The following TMPRSS9 variants were observed in gnomAD, a reference collection of about 807,000 sequenced individuals.
The protein encoded by TMPRSS9 is transmembrane protease serine 9.
Under a neutral mutation model 111.4 loss-of-function variants are expected in TMPRSS9, and 113 were observed. The observed-to-expected ratio is 1.01, with a 90% CI of 0.87 to 1.19. The LOEUF (loss-of-function observed/expected upper bound fraction) is 1.19, where lower values mean the gene tolerates loss of function less well. TMPRSS9 is among the 50% of genes most tolerant of loss of function. TMPRSS9 has a pLI of 0.00. For synonymous variants in TMPRSS9, 805 were observed against 659.1 expected, an observed-to-expected ratio of 1.22 and a Z score of -3.39; for missense variants, 1,803 against 1,513.1, an observed-to-expected ratio of 1.19 and a Z score of -3.18.
intron 1 of TMPRSS9, among the ~76,000 whole-genome samples, chr19:2,395,908 T>C (rs1334216698): frequency 6.7e-6 from 1 of 149,784 alleles, no homozygotes; most frequent in African/African-American, 2.5e-5. Context: ...CTCGGGAGGC[T>C]GAGGCAGGAG....
At chr19:2,388,534 C>T (rs1371837540), upstream of TMPRSS9, among the ~76,000 whole-genome samples, 59 of 152,174 alleles carry the variant, frequency 3.9e-4, no homozygotes, top group Non-Finnish European at 2.9e-5. Context: ...CCAGAAGGGC[C>T]CAGGCCTGCC....
intron 17 of TMPRSS9, 46 bp downstream of exon 18, chr19:2,425,539 G>T: frequency 6.8e-7 from 1 of 1,480,262 alleles, no homozygotes; most frequent in East Asian, 2.5e-5. Flanking sequence ...CCCAGCCGCC[G>T]GGGAGGGCGG....
intron 1 of TMPRSS9, among the ~76,000 whole-genome samples, chr19:2,395,971 G>A (rs546613258): frequency 2.0e-5 from 3 of 152,334 alleles, no homozygotes; most frequent in East Asian, 1.9e-4. Flanking sequence ...TTGCGCCACC[G>A]CACTCCAGCC....
At chr19:2,418,293 TTCC>T (rs1971311680) in intron 13 of TMPRSS9, among the ~76,000 whole-genome samples, 155 bp downstream of exon 14, 6 of 84,670 alleles carry the variant, frequency 7.1e-5, no homozygotes, top group Admixed American at 1.0e-4. Context: ...CTTTCCTCCT[TTCC>T]TTCCCTCCCT....
exon 14 of TMPRSS9, chr19:2,421,907 G>A: frequency 6.2e-7 from 1 of 1,612,900 alleles, no homozygotes; most frequent in Non-Finnish European, 8.5e-7. Context: ...TGTTTTATCT[G>A]GCAGGGATCG....
intron 10 of TMPRSS9, 57 bp downstream of exon 11, chr19:2,414,075 G>T: frequency 6.9e-7 from 1 of 1,445,948 alleles, no homozygotes; most frequent in Non-Finnish European, 9.2e-7. Context: ...GATTTAGGGA[G>T]AACGGATATC....
At chr19:2,365,314 A>G (rs1970239668) in intron 1 of TMPRSS9, among the ~76,000 whole-genome samples, 1 of 152,068 alleles carries the variant, frequency 6.6e-6, no homozygotes, top group Non-Finnish European at 1.5e-5. Context: ...ATGAAAGCCT[A>G]ACAAAAAGAC....
intron 13 of TMPRSS9, among the ~76,000 whole-genome samples, 162 bp from the exon 15 acceptor site, chr19:2,421,692 C>T (rs1039340177): frequency 4.6e-5 from 7 of 152,332 alleles, no homozygotes; most frequent in African/African-American, 1.4e-4. Context: ...CCAGGTCACA[C>T]AGCCAGGCAT....
At chr19:2,411,900 G>T (rs763398563) in intron 9 of TMPRSS9, among the ~76,000 whole-genome samples, 1 of 152,072 alleles carries the variant, frequency 6.6e-6, no homozygotes, top group African/African-American at 2.4e-5. Flanking sequence ...TCTTCTTTCA[G>T]CCACCTGGTC....
chr19:2,416,559 G>A, exon 12 of TMPRSS9: 2 of 1,609,992 alleles, frequency 1.2e-6, no homozygotes, highest in Non-Finnish European at 1.7e-6. Context: ...AGCAGGTTCG[G>A]GCCCACCTGG....
At chr19:2,408,612 T>C in exon 8 of TMPRSS9, 1 of 1,612,298 alleles carries the variant, frequency 6.2e-7, no homozygotes, top group East Asian at 2.2e-5. Flanking sequence ...AGGCTGGGGC[T>C]ACCTCAAGGA....
intron 13 of TMPRSS9, 79 bp from the exon 15 acceptor site, chr19:2,421,775 A>T (rs1971466735): frequency 6.8e-7 from 1 of 1,459,972 alleles, no homozygotes; most frequent in Non-Finnish European, 9.2e-7. Context: ...CACCCACTGT[A>T]GGAACGCAGG....
chr19:2,407,474 C>T (rs914687142), intron 7 of TMPRSS9, among the ~76,000 whole-genome samples: 2 of 151,760 alleles, frequency 1.3e-5, no homozygotes, highest in Non-Finnish European at 2.9e-5. Flanking sequence ...TTGCAGTGAG[C>T]TGAGATCACG....
At chr19:2,387,776 G>A (rs1970508590), upstream of TMPRSS9, among the ~76,000 whole-genome samples, 1 of 152,052 alleles carries the variant, frequency 6.6e-6, no homozygotes, top group Non-Finnish European at 1.5e-5. Context: ...ATCAGGGGTG[G>A]GGTGTGAAGG....
At chr19:2,419,538 A>G (rs1971416660) in intron 13 of TMPRSS9, among the ~76,000 whole-genome samples, 1 of 140,976 alleles carries the variant, frequency 7.1e-6, no homozygotes, top group African/African-American at 2.7e-5. Flanking sequence ...TTTTTTTGAG[A>G]TGGAGTCTTA....
rs1402828251 is a variant in TMPRSS9, at chr19:2,415,048, G to T, written c.1574-622G>T. On this transcript the variant is annotated intron_variant, in intron 10 of 17. Transcript: ENST00000648592. ...GCAACCTCCACCTCCCGGTTCAAGT[G>T]ATTCTCCTGCCTCAGCCTCCTGAAT... Among the ~76,000 whole-genome samples, 4 of 148,362 alleles carry T rather than the reference G, an allele frequency of 2.7e-5. No homozygotes were observed. In the Admixed American group the frequency reaches 2.7e-4, roughly 10 times the overall value.
At chr19:2,410,351 T>C in exon 9 of TMPRSS9, 2 of 1,614,014 alleles carry the variant, frequency 1.2e-6, no homozygotes, top group Non-Finnish European at 1.7e-6. Flanking sequence ...ACTGACAGGA[T>C]GGTGTGCGCT....
intron 1 of TMPRSS9, among the ~76,000 whole-genome samples, chr19:2,366,470 C>T (rs567918604): frequency 2.0e-5 from 3 of 152,180 alleles, no homozygotes; most frequent in Non-Finnish European, 4.4e-5. Flanking sequence ...AAACAACAGA[C>T]ATTTATTCTG....
At chr19:2,365,848 C>T (rs1487687381) in intron 1 of TMPRSS9, among the ~76,000 whole-genome samples, 1 of 152,056 alleles carries the variant, frequency 6.6e-6, no homozygotes, top group Admixed American at 6.6e-5. Flanking sequence ...CCCATAGCCC[C>T]AACTATTTAG....
Sources: gnomAD v4.1 joint callset for allele counts (sites outside exome capture counted in the v4.1 genomes callset) on GRCh38, gnomAD v4.1.1 for gene constraint, MANE v1.5 for transcripts, NCBI Gene and HGNC (gene_info 2026-07-23, HGNC 2026-07-21) for gene names.